The following TMEM117 variants were observed in gnomAD, a reference collection of about 807,000 sequenced individuals.
TMEM117 encodes transmembrane protein 117.
Under a neutral mutation model 52.4 loss-of-function variants are expected in TMEM117, and 27 were observed. The observed-to-expected ratio is 0.51, with a 90% confidence interval of 0.38 to 0.71. The LOEUF (loss-of-function observed/expected upper bound fraction) is 0.71, where lower values mean the gene tolerates loss of function less well. Among genes scored for constraint, TMEM117 ranks in the 30% least tolerant of loss-of-function variants. The probability of loss-of-function intolerance (pLI) is 0.00; values close to 1 mark genes in which losing one functional copy is unlikely to be tolerated. For missense variants in TMEM117, 556 were observed against 630.5 expected, an observed-to-expected ratio of 0.88 and a Z score of 1.26; for synonymous variants, 215 against 206.3, an observed-to-expected ratio of 1.04 and a Z score of -0.36.
intron 2 of TMEM117, among the ~76,000 whole-genome samples, chr12:43,903,808 G>C (rs149584308): frequency 2.0e-5 from 3 of 152,066 alleles, no homozygotes; most frequent in African/African-American, 7.2e-5. Flanking sequence ...CTGGTTATCT[G>C]ACCTCTTGGA....
chr12:44,024,359 A>G (rs1946499623), intron 3 of TMEM117, among the ~76,000 whole-genome samples: 1 of 152,174 alleles, frequency 6.6e-6, no homozygotes, highest in African/African-American at 2.4e-5. Context: ...TGAGTGCTGT[A>G]TGGGCAGATA....
chr12:44,011,536 C>G (rs1333190267), intron 3 of TMEM117, among the ~76,000 whole-genome samples: 3 of 152,126 alleles, frequency 2.0e-5, no homozygotes, highest in Non-Finnish European at 4.4e-5. Flanking sequence ...TGCCTTCCGT[C>G]ATGATTGTGA....
intron 2 of TMEM117, among the ~76,000 whole-genome samples, chr12:43,870,438 T>C (rs1010873318): frequency 1.3e-5 from 2 of 151,944 alleles, no homozygotes; most frequent in Non-Finnish European, 2.9e-5. Context: ...TTTGTATTTT[T>C]AGTAGAGACG....
chr12:44,355,868 G>C (rs1252107272), intron 6 of TMEM117, among the ~76,000 whole-genome samples: 1 of 152,068 alleles, frequency 6.6e-6, no homozygotes, highest in Non-Finnish European at 1.5e-5. Flanking sequence ...GACATCTTTG[G>C]CAGTGGTTAG....
rs532098092 is a variant in TMEM117 at position 44,257,385 on chromosome 12, G to A, written c.609-42195G>A. ...TGTTTGTCTTTACCATTCTGTTTTG[G>A]GATTGGAGCTCTGTCTCGAATCCAG... On this transcript the variant is annotated intron_variant, in intron 5 of 7. Coordinates refer to ENST00000266534, the MANE Select transcript of TMEM117 (RefSeq NM_032256.3). Among the ~76,000 whole-genome samples, 10 of 151,968 alleles carry A rather than the reference G, an allele frequency of 6.6e-5. No homozygotes were observed. The East Asian group carries it at 1.9e-3, about 29-fold the overall frequency.
chr12:43,920,399 G>A (rs1394281335), intron 2 of TMEM117, among the ~76,000 whole-genome samples: 1 of 151,982 alleles, frequency 6.6e-6, no homozygotes, highest in Non-Finnish European at 1.5e-5. Context: ...TGTAGTCCAA[G>A]CTACTCTGGA....
intron 5 of TMEM117, among the ~76,000 whole-genome samples, chr12:44,264,602 G>A (rs939515030): frequency 1.3e-5 from 2 of 152,088 alleles, no homozygotes; most frequent in African/African-American, 4.8e-5. Flanking sequence ...GGAAGTAAAG[G>A]ACTGAGCAAC....
intron 5 of TMEM117, among the ~76,000 whole-genome samples, chr12:44,243,894 G>T (rs751150631): frequency 6.6e-6 from 1 of 151,568 alleles, no homozygotes; most frequent in African/African-American, 2.4e-5. Context: ...GTCTTTCTGC[G>T]CCTGACTTAT....
intron 6 of TMEM117, among the ~76,000 whole-genome samples, chr12:44,324,008 C>A (rs918764455): frequency 2.0e-5 from 3 of 151,966 alleles, no homozygotes; most frequent in African/African-American, 7.3e-5. Flanking sequence ...CATTACTGAT[C>A]CTCTTTCTTC....
chr12:43,857,914 A>G (rs1263805097), intron 2 of TMEM117, among the ~76,000 whole-genome samples: 2 of 152,198 alleles, frequency 1.3e-5, no homozygotes, highest in Admixed American at 6.6e-5. Flanking sequence ...GGGAGGAAGT[A>G]GGCGAATGTG....
intron 3 of TMEM117, among the ~76,000 whole-genome samples, chr12:44,006,800 A>T (rs1357971372): frequency 6.6e-6 from 1 of 152,154 alleles, no homozygotes; most frequent in Non-Finnish European, 1.5e-5. Context: ...AGCACTGAAG[A>T]TGCAATGCTG....
chr12:43,806,511 C>T, the TMEM117 span: 2 of 565,374 alleles, frequency 3.5e-6, no homozygotes, highest in Non-Finnish European at 4.8e-6. Flanking sequence ...CGCCGCCTCT[C>T]CCGCTTCTTC....
At chr12:43,835,722 C>T (rs975023147), upstream of TMEM117, among the ~76,000 whole-genome samples, 18 of 152,182 alleles carry the variant, frequency 1.2e-4, no homozygotes, top group Admixed American at 3.3e-4. Context: ...CCCCCAACCC[C>T]CACCAGGTTC....
chr12:44,091,892 G>A (rs1947678971), intron 3 of TMEM117, among the ~76,000 whole-genome samples: 1 of 152,146 alleles, frequency 6.6e-6, no homozygotes, highest in African/African-American at 2.4e-5. Context: ...ATGCTGTATT[G>A]TAACCATATA....
intron 2 of TMEM117, among the ~76,000 whole-genome samples, chr12:43,891,613 G>T (rs1478738740): frequency 2.0e-5 from 3 of 151,518 alleles, no homozygotes; most frequent in African/African-American, 7.3e-5. Context: ...TGATCCACCC[G>T]CCTTGGCCTC....
At chr12:44,093,425 C>G (rs1947707277) in intron 3 of TMEM117, among the ~76,000 whole-genome samples, 1 of 152,030 alleles carries the variant, frequency 6.6e-6, no homozygotes, top group Admixed American at 6.6e-5. Flanking sequence ...TAATTTCATT[C>G]AGTTCTCACA....
upstream of TMEM117, among the ~76,000 whole-genome samples, chr12:43,833,655 G>C (rs1942995134): frequency 6.6e-6 from 1 of 152,092 alleles, no homozygotes; most frequent in South Asian, 2.1e-4. Flanking sequence ...TAGGTGTGGT[G>C]GTGTGCACCT....
chr12:44,290,818 A>G (rs114602706), intron 5 of TMEM117, among the ~76,000 whole-genome samples: 6,736 of 151,948 alleles, frequency 0.044, 200 homozygotes, highest in African/African-American at 0.08. Context: ...TTAATTTTTT[A>G]TATATAAAAG....
intron 4 of TMEM117, among the ~76,000 whole-genome samples, chr12:44,190,280 A>G (rs544902308): frequency 1.3e-4 from 20 of 152,348 alleles, no homozygotes; most frequent in African/African-American, 4.3e-4. Flanking sequence ...TTCTTATGCT[A>G]TTAAGCCACA....
Sources: allele counts gnomAD v4.1 joint callset (sites outside exome capture counted in the v4.1 genomes callset), GRCh38; gene constraint gnomAD v4.1.1; transcripts MANE v1.5; gene names NCBI Gene and HGNC (gene_info 2026-07-23, HGNC 2026-07-21).